Variants in CSMD1 observed in about 807,000 individuals in gnomAD.
The protein encoded by CSMD1 is CUB and sushi domain-containing protein 1.
Under a neutral mutation model 417.5 loss-of-function variants are expected in CSMD1, and 213 were observed. The observed-to-expected ratio is 0.51, with a 90% CI of 0.46 to 0.57. The LOEUF is 0.57. Ranked by LOEUF, CSMD1 falls within the 20% of genes least tolerant of loss-of-function variation. The pLI, the probability that CSMD1 is intolerant of heterozygous loss-of-function variation, is 0.00. For missense variants in CSMD1, 6,923 were observed against 4,529.7 expected, an observed-to-expected ratio of 1.53 and a Z score of -15.17; for synonymous variants, 2,862 against 1,736.8, an observed-to-expected ratio of 1.65 and a Z score of -16.11.
chr8:3,882,934 T>C (rs935778653), intron 5 of CSMD1, among the ~76,000 whole-genome samples: 1 of 152,170 alleles, frequency 6.6e-6, no homozygotes, highest in Admixed American at 6.6e-5. Context: ...CATCTTGGCC[T>C]TGTACTGAAG....
intron 1 of CSMD1, among the ~76,000 whole-genome samples, chr8:4,763,992 C>T (rs1035752363): frequency 4.6e-5 from 7 of 152,128 alleles, no homozygotes; most frequent in East Asian, 3.9e-4. Flanking sequence ...AGAAAACCAA[C>T]GTCTAGTTTT....
At chr8:4,066,511 T>C (rs574989279) in intron 3 of CSMD1, among the ~76,000 whole-genome samples, 5 of 152,312 alleles carry the variant, frequency 3.3e-5, no homozygotes, top group South Asian at 2.1e-4. Flanking sequence ...AGAAAACAAT[T>C]TGTATTATTT....
rs530513001 is a variant in CSMD1, at chr8:4,161,518, G to A, written c.416-129419C>T. Among the ~76,000 whole-genome samples, 22 of 152,274 alleles carry A rather than the reference G, an allele frequency of 1.4e-4. No individual in the cohort carries two copies. The East Asian group carries it at 4.1e-3, about 28-fold the overall frequency. On this transcript the variant is annotated intron_variant, in intron 3 of 69. Coordinates refer to ENST00000635120, the MANE Select transcript of CSMD1 (RefSeq NM_033225.6). Reference sequence around the variant, plus strand: ...AAAGAAAAAGGACTGAACCCAAGCTGAACACGCAAAGTCCACTGTGCACCT... The same window carrying A: ...AAAGAAAAAGGACTGAACCCAAGCTAAACACGCAAAGTCCACTGTGCACCT...
chr8:4,603,588 C>T (rs1158958789), intron 2 of CSMD1, among the ~76,000 whole-genome samples: 2 of 152,106 alleles, frequency 1.3e-5, no homozygotes, highest in Non-Finnish European at 2.9e-5. Context: ...ATTTAGCTAG[C>T]TTTGCAAAAT....
intron 1 of CSMD1, among the ~76,000 whole-genome samples, chr8:4,939,863 G>C (rs1162053910): frequency 6.6e-6 from 1 of 152,124 alleles, no homozygotes; most frequent in Non-Finnish European, 1.5e-5. Context: ...GCTCCACTGA[G>C]CAATTCCACA....
At chr8:3,824,606 A>C (rs1317183552) in intron 5 of CSMD1, among the ~76,000 whole-genome samples, 1 of 152,234 alleles carries the variant, frequency 6.6e-6, no homozygotes, top group Non-Finnish European at 1.5e-5. Context: ...ACATACGGTA[A>C]GATATTTTAT....
intron 18 of CSMD1, among the ~76,000 whole-genome samples, chr8:3,370,040 A>G (rs188650055): frequency 8.6e-4 from 131 of 152,354 alleles, no homozygotes; most frequent in Admixed American, 2.0e-3. Context: ...TACAGTGTGT[A>G]GTAGCTACTA....
chr8:4,315,344 G>C (rs187603958), intron 3 of CSMD1, among the ~76,000 whole-genome samples: 9 of 152,284 alleles, frequency 5.9e-5, no homozygotes, highest in African/African-American at 1.9e-4. Flanking sequence ...TTGCTGCACT[G>C]TGAGCCCCAG....
intron 25 of CSMD1, among the ~76,000 whole-genome samples, chr8:3,306,612 A>G (rs1206180116): frequency 6.6e-6 from 1 of 152,220 alleles, no homozygotes; most frequent in African/African-American, 2.4e-5. Flanking sequence ...ATTGGAGGTC[A>G]GAGTTTCTCA....
intron 2 of CSMD1, among the ~76,000 whole-genome samples, chr8:4,546,997 T>A (rs1159703740): frequency 6.6e-6 from 1 of 152,170 alleles, no homozygotes; most frequent in Non-Finnish European, 1.5e-5. Context: ...GTGCCCTACA[T>A]CCTTATCTAT....
intron 5 of CSMD1, among the ~76,000 whole-genome samples, chr8:3,776,883 CTT>C (rs1175073967): frequency 6.7e-6 from 1 of 150,030 alleles, no homozygotes; most frequent in Admixed American, 6.6e-5. Context: ...ATAGATATAA[CTT>C]TGTATTTTTT....
In CSMD1 at chr8:4,458,557, C is replaced by G. The variant is rs146674217; in HGVS notation, c.303-38492G>C. Among the ~76,000 whole-genome samples the G allele has an allele frequency of 3.2e-3, 489 of 152,104 alleles. 6 individuals are homozygous for G. The highest frequency in any genetic ancestry group is 0.014 in the Middle Eastern group (4 of 292). ...TGTATTTTCTTAATGTTAACTGTTA[C>G]TCTTTGAAAGACATTGTAACAGTAA... is the stretch of plus-strand genomic sequence containing the variant. On this transcript the variant is annotated intron_variant, in intron 2 of 69. Coordinates refer to ENST00000635120, the MANE Select transcript of CSMD1 (RefSeq NM_033225.6).
chr8:4,575,432 G>T (rs746023580), intron 2 of CSMD1, among the ~76,000 whole-genome samples: 1 of 152,162 alleles, frequency 6.6e-6, no homozygotes, highest in South Asian at 2.1e-4. Context: ...ACTACATATT[G>T]TCTGTGTAAC....
intron 7 of CSMD1, among the ~76,000 whole-genome samples, chr8:3,665,157 A>C (rs1460273792): frequency 6.6e-6 from 1 of 152,214 alleles, no homozygotes; most frequent in Non-Finnish European, 1.5e-5. Context: ...GCATTGACCA[A>C]TGAGATAAAA....
Position 2,949,367 on chromosome 8 carries a change from C to A in CSMD1, c.10334G>T (p.Arg3445Ile). Residue 3445 changes from arginine (R) to isoleucine (I), a missense_variant, in exon 68 of 70, where the codon AGA becomes ATA. By Grantham distance (97) the Arg-to-Ile change is moderately conservative. Coordinates refer to ENST00000635120, the MANE Select transcript of CSMD1 (RefSeq NM_033225.6). ...GTCACCTTGAAAAGTAAATCCTCCT[C>A]TTTCAAGTCCAGATGACACCTGACA... ...LDGYVSSGLERGGFTFQGDIH... is the reference protein window; with the variant it reads ...LDGYVSSGLEIGGFTFQGDIH... 6.2e-7 allele frequency: 1 copy of A among 1,602,306 alleles called. No homozygotes were observed.
At chr8:3,745,012 A>C (rs1384173664) in intron 6 of CSMD1, among the ~76,000 whole-genome samples, 2 of 152,092 alleles carry the variant, frequency 1.3e-5, no homozygotes, top group Non-Finnish European at 2.9e-5. Flanking sequence ...GGCTCTTAGG[A>C]TTCTCCGGGC....
chr8:4,169,084 T>C lies in CSMD1; in HGVS notation c.416-136985A>G, dbSNP rs148519100. 1.5e-3 allele frequency among the ~76,000 whole-genome samples: 233 copies of C among 152,332 alleles called. 1 individual carries two copies. Among genetic ancestry groups the C allele is most frequent in the African/African-American group, 5.3e-3 (220 of 41,564 alleles). ...GGATGTTTCTCCCTACCTGTAAGCCTGCTGGCTTAGTCCTTGAACCTCTTT... is the reference window on the plus strand; with the variant it reads ...GGATGTTTCTCCCTACCTGTAAGCCCGCTGGCTTAGTCCTTGAACCTCTTT... On this transcript the variant is annotated intron_variant, in intron 3 of 69. Coordinates refer to ENST00000635120, the MANE Select transcript of CSMD1 (RefSeq NM_033225.6).
At chr8:3,599,593 G>A (rs555677832) in intron 8 of CSMD1, among the ~76,000 whole-genome samples, 1 of 152,250 alleles carries the variant, frequency 6.6e-6, no homozygotes, top group Non-Finnish European at 1.5e-5. Context: ...TCACAATACA[G>A]CATTGTTAAT....
chr8:4,925,207 G>C (rs187717485), intron 1 of CSMD1, among the ~76,000 whole-genome samples: 1,374 of 84,674 alleles, frequency 0.016, 21 homozygotes, highest in African/African-American at 0.052. Flanking sequence ...GTGAATACCA[G>C]TTTTATGGTT....
Sources: gnomAD v4.1 joint callset for allele counts (sites outside exome capture counted in the v4.1 genomes callset) on GRCh38, gnomAD v4.1.1 for gene constraint, MANE v1.5 for transcripts, NCBI Gene and HGNC (gene_info 2026-07-23, HGNC 2026-07-21) for gene names.